Variants in ZFAND3 observed in about 807,000 individuals in gnomAD.
ZFAND3 encodes the protein AN1-type zinc finger protein 3.
In ZFAND3, 10 loss-of-function variants were observed where a neutral mutation model predicts 29.6. That is an observed-to-expected ratio of 0.34 (90% CI 0.21 to 0.57). ZFAND3 has a LOEUF of 0.57. Ranked by LOEUF, ZFAND3 falls within the 20% of genes least tolerant of loss-of-function variation. The pLI is 0.86. For missense variants in ZFAND3, 230 were observed against 304.5 expected (o/e 0.76, Z 1.82); for synonymous variants, 128 against 112.6 (o/e 1.14, Z -0.87).
At chr6:37,851,343 T>C (rs1025070322) in intron 1 of ZFAND3, among the ~76,000 whole-genome samples, 14 of 152,122 alleles carry the variant, frequency 9.2e-5, no homozygotes, top group Admixed American at 3.9e-4. Flanking sequence ...TTTCCCACTC[T>C]ATTTTATTCA....
At position 37,855,443 on chromosome 6, in the gene ZFAND3, C is replaced by T. The variant is rs144571631; in HGVS notation, c.71+35427C>T. On this transcript the variant is annotated intron_variant, in intron 1 of 5. Coordinates refer to ENST00000287218, the MANE Select transcript of ZFAND3 (RefSeq NM_021943.3). ...CTGGGATTACAAGCATGAGCCACTG[C>T]GCCTGGCAGCAATTGAAATTTGTGT... Among the ~76,000 whole-genome samples the T allele has an allele frequency of 8.4e-3, 1,279 of 151,980 alleles. 14 individuals carry two copies. The highest frequency in any genetic ancestry group is 0.014 in the Non-Finnish European group (934 of 67,970).
chr6:38,012,504 G>A (rs544216818), intron 2 of ZFAND3, among the ~76,000 whole-genome samples: 2 of 150,618 alleles, frequency 1.3e-5, no homozygotes, highest in South Asian at 2.1e-4. Flanking sequence ...TCAGCTTCCC[G>A]AGTAGCTGGG....
intron 2 of ZFAND3, among the ~76,000 whole-genome samples, chr6:38,010,279 A>G (rs980891614): frequency 6.6e-6 from 1 of 151,910 alleles, no homozygotes; most frequent in African/African-American, 2.4e-5. Flanking sequence ...GAGTACGCAG[A>G]AAAAAAACAG....
At chr6:38,151,366 G>T (rs1294656377) in intron 5 of ZFAND3, among the ~76,000 whole-genome samples, 1 of 152,204 alleles carries the variant, frequency 6.6e-6, no homozygotes, top group Non-Finnish European at 1.5e-5. Flanking sequence ...TGCGCTTCTG[G>T]GAGGGAAAGA....
At chr6:38,126,791 G>A (rs905822670) in intron 5 of ZFAND3, among the ~76,000 whole-genome samples, 1 of 151,248 alleles carries the variant, frequency 6.6e-6, no homozygotes, top group Non-Finnish European at 1.5e-5. Context: ...TCATCAATAT[G>A]ATATGTCTCT....
intron 1 of ZFAND3, among the ~76,000 whole-genome samples, chr6:37,854,128 T>C (rs1764333255): frequency 6.6e-6 from 1 of 152,004 alleles, no homozygotes; most frequent in African/African-American, 2.4e-5. Flanking sequence ...ATTTTGTATT[T>C]TTAGTAGAGA....
intron 5 of ZFAND3, among the ~76,000 whole-genome samples, chr6:38,135,357 G>A (rs1310943453): frequency 6.6e-6 from 1 of 152,190 alleles, no homozygotes; most frequent in African/African-American, 2.4e-5. Flanking sequence ...GGATTAACTG[G>A]CTTCTCTAAG....
intron 5 of ZFAND3, among the ~76,000 whole-genome samples, chr6:38,121,033 A>G (rs754847681): frequency 1.3e-5 from 2 of 152,196 alleles, no homozygotes; most frequent in Non-Finnish European, 2.9e-5. Context: ...AGAATCTAAG[A>G]GCTTACAGTC....
At chr6:38,015,637 G>T (rs1476524145) in intron 2 of ZFAND3, among the ~76,000 whole-genome samples, 2 of 152,178 alleles carry the variant, frequency 1.3e-5, no homozygotes, top group Non-Finnish European at 2.9e-5. Flanking sequence ...CAAAAACATG[G>T]TTGAATTAAA....
intron 2 of ZFAND3, among the ~76,000 whole-genome samples, chr6:37,935,694 T>C (rs1761686087): frequency 6.6e-6 from 1 of 152,256 alleles, no homozygotes; most frequent in South Asian, 2.1e-4. Flanking sequence ...TATATTACTA[T>C]TATGATTTTA....
chr6:38,004,894 G>C (rs2645127), intron 2 of ZFAND3, among the ~76,000 whole-genome samples: 48,587 of 151,984 alleles, frequency 0.32, 8,183 homozygotes, highest in Non-Finnish European at 0.38. Context: ...AGTTCTTTTG[G>C]GGGGCTCAGT....
intron 2 of ZFAND3, among the ~76,000 whole-genome samples, chr6:38,034,786 A>G (rs948732398): frequency 1.3e-5 from 2 of 152,128 alleles, no homozygotes; most frequent in Non-Finnish European, 2.9e-5. Flanking sequence ...ATTGAATGGT[A>G]TTTATTTTCC....
At chr6:37,855,684 GC>G (rs1355975976) in intron 1 of ZFAND3, among the ~76,000 whole-genome samples, 1 of 152,054 alleles carries the variant, frequency 6.6e-6, no homozygotes, top group African/African-American at 2.4e-5. Context: ...TTTTTGGGGG[GC>G]AGGTGGTGGG....
At chr6:37,865,936 T>C (rs965246212) in intron 1 of ZFAND3, among the ~76,000 whole-genome samples, 2 of 152,218 alleles carry the variant, frequency 1.3e-5, no homozygotes, top group Non-Finnish European at 2.9e-5. Context: ...GCTGCTTTAC[T>C]TAATTTCTGG....
At chr6:38,063,609 A>G (rs753479547) in intron 3 of ZFAND3, among the ~76,000 whole-genome samples, 3 of 152,248 alleles carry the variant, frequency 2.0e-5, no homozygotes, top group Non-Finnish European at 2.9e-5. Context: ...GTGAAGAGAC[A>G]TACTAGACAG....
At position 37,896,122 on chromosome 6, in the gene ZFAND3, C is replaced by T. The variant is rs748753920; in HGVS notation, c.72-33837C>T. 7.2e-5 allele frequency among the ~76,000 whole-genome samples: 11 copies of T among 152,286 alleles called. 1 individual carries two copies. Among genetic ancestry groups the T allele is most frequent in the Admixed American group, 3.3e-4 (5 of 15,296 alleles). On this transcript the variant is annotated intron_variant, in intron 1 of 5. Coordinates refer to ENST00000287218, the MANE Select transcript of ZFAND3 (RefSeq NM_021943.3). ...TTTGTTTCTTATTTGAAACAGAAAG[C>T]TCAGCTTTTCACTGTTAGGTTTGAT...
chr6:37,838,579 A>G (rs2127372349), intron 1 of ZFAND3, among the ~76,000 whole-genome samples: 1 of 152,332 alleles, frequency 6.6e-6, no homozygotes, highest in Non-Finnish European at 1.5e-5. Context: ...GAATCATACC[A>G]TATATGACCT....
At chr6:37,983,606 G>A (rs1426781819) in intron 2 of ZFAND3, among the ~76,000 whole-genome samples, 1 of 152,008 alleles carries the variant, frequency 6.6e-6, no homozygotes, top group Non-Finnish European at 1.5e-5. Context: ...TGATCCACCC[G>A]CCTTGACCTC....
At chr6:37,843,481 C>T (rs922586288) in intron 1 of ZFAND3, among the ~76,000 whole-genome samples, 3 of 149,560 alleles carry the variant, frequency 2.0e-5, no homozygotes, top group East Asian at 3.9e-4. Context: ...AGTGAGACTC[C>T]GTCTCAAAAA....
Sources: gnomAD v4.1 joint callset for allele counts (sites outside exome capture counted in the v4.1 genomes callset) on GRCh38, gnomAD v4.1.1 for gene constraint, MANE v1.5 for transcripts, NCBI Gene and HGNC (gene_info 2026-07-23, HGNC 2026-07-21) for gene names.